ESR2: variants seen among roughly 807,000 people sequenced by gnomAD.
ESR2 encodes estrogen receptor 2.
Under a neutral mutation model 49.6 loss-of-function variants are expected in ESR2, and 36 were observed. The observed-to-expected ratio is 0.73, with a 90% confidence interval of 0.56 to 0.96. The LOEUF is 0.96. Among genes scored for constraint, ESR2 ranks in the 40% least tolerant of loss-of-function variants. The pLI, the probability that ESR2 is intolerant of heterozygous loss-of-function variation, is 0.00. For missense variants in ESR2, 714 were observed against 693.0 expected (o/e 1.03, Z -0.34); for synonymous variants, 320 against 266.1 (o/e 1.20, Z -1.97).
At chr14:64,256,298 T>A (rs1397554114) in intron 6 of ESR2, among the ~76,000 whole-genome samples, 1 of 152,254 alleles carries the variant, frequency 6.6e-6, no homozygotes, top group Non-Finnish European at 1.5e-5. Context: ...TTTCCTTTTC[T>A]GTGTCATCTT....
At chr14:64,227,234 TCAGTAGA>T (rs1449358513), downstream of ESR2, 5 of 410,146 alleles carry the variant, frequency 1.2e-5, no homozygotes, top group Non-Finnish European at 2.2e-5. Context: ...GTGAAGCTCA[TCAGTAGA>T]TGAAGCCTCA....
intron 1 of ESR2, among the ~76,000 whole-genome samples, chr14:64,289,525 G>C (rs1289652823): frequency 1.4e-5 from 2 of 141,558 alleles, no homozygotes; most frequent in Non-Finnish European, 3.1e-5. Context: ...AAAAAATAAA[G>C]AAAAAGAAAA....
rs1300266835 is a variant in ESR2 at position 64,231,437 on chromosome 14, C to T, written c.*1700G>A. The T allele has an allele frequency of 6.6e-6, 1 of 152,168 alleles. No homozygotes were observed. The highest frequency in any genetic ancestry group is 2.4e-5 in the African/African-American group (1 of 41,434). The allele number at this position is 152,168 out of a possible 1,614,324, so 9.4% of individuals were successfully genotyped here. ...CTGCCTGTACTAAATCTTACTAAAG[C>T]TGTAACTGAGTCTCTAAGAATAACT... On this transcript the variant is annotated 3_prime_UTR_variant, in exon 9 of 9. Transcript: ENST00000341099.
chr14:64,325,650 T>C (rs1029764874), intron 1 of ESR2, among the ~76,000 whole-genome samples: 2 of 152,258 alleles, frequency 1.3e-5, no homozygotes, highest in East Asian at 1.9e-4. Context: ...ACTGATAACG[T>C]GGATTTTCTT....
chr14:64,268,923 TG>T lies in ESR2; in HGVS notation c.536-13del. 1 of 1,450,630 alleles carries T rather than the reference TG, an allele frequency of 6.9e-7. No homozygotes were observed. Among genetic ancestry groups the T allele is most frequent in the South Asian group, 1.2e-5 (1 of 86,252 alleles). 89.9% of individuals were successfully genotyped at this position (1,450,630 alleles called of 1,614,324 possible). A position where few individuals can be genotyped will look rare whatever the true frequency, so the allele number is the denominator to read the frequency against. On this transcript the variant is annotated splice_polypyrimidine_tract_variant and intron_variant, in intron 3 of 8. Transcript: ENST00000341099. ...ATAATCATTATGTCCTATAGCAGAG[TG>T]GGAGGGAAAAAAAGATTATTGCTAT...
intron 1 of ESR2, among the ~76,000 whole-genome samples, chr14:64,305,276 G>C (rs2077076423): frequency 7.1e-6 from 1 of 141,812 alleles, no homozygotes; most frequent in Non-Finnish European, 1.5e-5. Context: ...GGGCGACAGA[G>C]CGAGACTCCG....
At position 64,253,604 on chromosome 14, in the gene ESR2, G is replaced by GTATGTGTGTGTGTA. The variant is rs2076037015; in HGVS notation, c.1091+3621_1091+3622insTACACACACACATA. On this transcript the variant is annotated intron_variant, in intron 6 of 8. Coordinates refer to ENST00000341099, the MANE Select transcript of ESR2 (RefSeq NM_001437.3). Reference sequence around the variant, plus strand: ...TGTGTGTGTGTGTGTGTGTGTGTGTGTATGTATGTGTGTGTATATATATAT... The same window carrying GTATGTGTGTGTGTA: ...TGTGTGTGTGTGTGTGTGTGTGTGTGTATGTGTGTGTGTATATGTATGTGTGTGTATATATATAT... Among the ~76,000 whole-genome samples, 351 of 142,892 alleles carry GTATGTGTGTGTGTA rather than the reference G, an allele frequency of 2.5e-3. 5 individuals carry two copies. Among genetic ancestry groups the GTATGTGTGTGTGTA allele is most frequent in the African/African-American group, 9.1e-3 (339 of 37,210 alleles). 93.7% of individuals were successfully genotyped at this position (142,892 alleles called of 152,430 possible). A position where few individuals can be genotyped will look rare whatever the true frequency, so the allele number is the denominator to read the frequency against.
intron 1 of ESR2, among the ~76,000 whole-genome samples, chr14:64,327,119 C>T (rs2077399244): frequency 6.6e-6 from 1 of 152,154 alleles, no homozygotes; most frequent in Non-Finnish European, 1.5e-5. Context: ...ACCAATTGAT[C>T]TAGAATGGGT....
chr14:64,277,120 T>C (rs1280281583), intron 3 of ESR2, among the ~76,000 whole-genome samples: 1 of 152,208 alleles, frequency 6.6e-6, no homozygotes, highest in East Asian at 1.9e-4. Flanking sequence ...TATGTCCTCC[T>C]TCCTCTGTGC....
intron 7 of ESR2, among the ~76,000 whole-genome samples, chr14:64,244,945 C>T (rs923791839): frequency 6.6e-6 from 1 of 152,144 alleles, no homozygotes; most frequent in African/African-American, 2.4e-5. Context: ...CGTTTGTGTC[C>T]CTCCTCCTGG....
intron 2 of ESR2, among the ~76,000 whole-genome samples, chr14:64,280,454 C>T (rs1596450629): frequency 1.3e-5 from 2 of 152,092 alleles, no homozygotes. Flanking sequence ...GGGGTGGGAG[C>T]TACATCTCTA....
intron 7 of ESR2, among the ~76,000 whole-genome samples, chr14:64,242,624 T>C (rs1299649287): frequency 6.6e-6 from 1 of 152,006 alleles, no homozygotes; most frequent in African/African-American, 2.4e-5. Context: ...AAAAAAAATT[T>C]AGAGAACTTT....
At chr14:64,263,029 AT>A (rs1344161823) in intron 4 of ESR2, among the ~76,000 whole-genome samples, 1 of 152,244 alleles carries the variant, frequency 6.6e-6, no homozygotes, top group African/African-American at 2.4e-5. Context: ...ACATAATAAA[AT>A]TTTTTAAATC....
chr14:64,308,790 T>A (rs1020657742), intron 1 of ESR2, among the ~76,000 whole-genome samples: 2 of 151,990 alleles, frequency 1.3e-5, no homozygotes, highest in African/African-American at 4.8e-5. Context: ...AATTTATTTA[T>A]TTTTTAGAGA....
upstream of ESR2, among the ~76,000 whole-genome samples, chr14:64,294,668 TG>T (rs2076930202): frequency 6.6e-6 from 1 of 152,226 alleles, no homozygotes; most frequent in South Asian, 2.1e-4. Flanking sequence ...ACAGCCAGTC[TG>T]GGGACCACAC....
intron 1 of ESR2, among the ~76,000 whole-genome samples, chr14:64,308,444 A>G (rs2077139770): frequency 6.6e-6 from 1 of 152,158 alleles, no homozygotes; most frequent in Non-Finnish European, 1.5e-5. Flanking sequence ...TCTTTTTTTG[A>G]AACTAATGTG....
At chr14:64,287,888 T>A (rs1424922351) in intron 1 of ESR2, among the ~76,000 whole-genome samples, 1 of 152,214 alleles carries the variant, frequency 6.6e-6, no homozygotes, top group Admixed American at 6.5e-5. Context: ...CTCAGTACAA[T>A]GTTCTGGTAC....
chr14:64,227,373 AATAGAAAG>A, downstream of ESR2: 11 of 731,072 alleles, frequency 1.5e-5, no homozygotes, highest in Non-Finnish European at 2.4e-5. Flanking sequence ...TTGGATTGAT[AATAGAAAG>A]GAAGGTGGTT....
rs543658597 is a variant in ESR2, at chr14:64,321,771, GA to G, written c.-91+16126del. On this transcript the variant is annotated intron_variant, in intron 1 of 8. Transcript: ENST00000358599. The stretch of plus-strand genomic sequence containing the variant: ...CACATCCTTTGCAGCAACATAGATG[GA>G]ACTGGCAGCCATTATCCTAAGCAGA... 4.2e-3 allele frequency among the ~76,000 whole-genome samples: 647 copies of G among 152,294 alleles called. 1 individual carries two copies. The highest frequency in any genetic ancestry group is 0.014 in the Middle Eastern group (4 of 294).
Sources: gnomAD v4.1 joint callset for allele counts (sites outside exome capture counted in the v4.1 genomes callset) on GRCh38, gnomAD v4.1.1 for gene constraint, MANE v1.5 for transcripts, NCBI Gene and HGNC (gene_info 2026-07-23, HGNC 2026-07-21) for gene names.